IQCM: variants seen among roughly 807,000 people sequenced by gnomAD.
IQCM encodes IQ domain-containing protein M.
In IQCM, 45 loss-of-function variants were observed where a neutral mutation model predicts 57.6. The observed-to-expected ratio is 0.78, with a 90% CI of 0.62 to 1.00. The LOEUF (loss-of-function observed/expected upper bound fraction) is 1.00. IQCM is among the 50% of genes least tolerant of loss of function. The pLI, the probability that IQCM is intolerant of heterozygous loss-of-function variation, is 0.00. For missense variants in IQCM, 468 were observed against 511.6 expected, an observed-to-expected ratio of 0.91 and a Z score of 0.82; for synonymous variants, 148 against 158.9, an observed-to-expected ratio of 0.93 and a Z score of 0.51.
At chr4:149,724,118 T>C (rs557410476) in intron 5 of IQCM, among the ~76,000 whole-genome samples, 1 of 152,166 alleles carries the variant, frequency 6.6e-6, no homozygotes, top group South Asian at 2.1e-4. Context: ...CTTGTATTTC[T>C]GTACTACAGC....
At chr4:149,744,835 A>G (rs1198458438) in intron 2 of IQCM, among the ~76,000 whole-genome samples, 1 of 152,206 alleles carries the variant, frequency 6.6e-6, no homozygotes, top group African/African-American at 2.4e-5. Context: ...TTCAGAAAAA[A>G]AAGCCAAAAA....
At position 149,734,583 on chromosome 4, in the gene IQCM, T is replaced by C. The variant is rs192469645; in HGVS notation, c.120+793A>G. ...TATTGAAAAATATTTAAAAGCTTAC[T>C]TAAAATTTTGTTTAAAAAAATTTTT... On this transcript the variant is annotated intron_variant, in intron 4 of 13. Coordinates refer to ENST00000636793, the MANE Select transcript of IQCM (RefSeq NM_001363507.2). Among the ~76,000 whole-genome samples, 3 of 152,296 alleles carry C rather than the reference T, an allele frequency of 2.0e-5. No individual in the cohort carries two copies. The East Asian group carries it at 5.8e-4, about 29-fold the overall frequency.
chr4:149,491,611 T>C (rs1742104210), intron 12 of IQCM, among the ~76,000 whole-genome samples: 1 of 152,122 alleles, frequency 6.6e-6, no homozygotes, highest in South Asian at 2.1e-4. Flanking sequence ...AAAGGTGAAA[T>C]AGTATTACAT....
rs148574024 is a variant in IQCM, at chr4:149,502,606, C to T, written c.1228+45849G>A. Among the ~76,000 whole-genome samples, 1,384 of 152,058 alleles carry T rather than the reference C, an allele frequency of 9.1e-3. 14 individuals carry two copies. Among genetic ancestry groups the T allele is most frequent in the Non-Finnish European group, 0.014 (977 of 67,958 alleles). ...TGAGGATCACCTGAGCCCTAGAGGT[C>T]GAGGCTGCAGTGAGCCATGCTCACG... On this transcript the variant is annotated intron_variant, in intron 12 of 13. Transcript: ENST00000636793.
At chr4:149,777,351 CGTAT>C (rs1771186556) in intron 2 of IQCM, among the ~76,000 whole-genome samples, 1 of 152,128 alleles carries the variant, frequency 6.6e-6, no homozygotes, top group African/African-American at 2.4e-5. Context: ...AAAAAGGATG[CGTAT>C]GTGTTTTTAG....
intron 8 of IQCM, among the ~76,000 whole-genome samples, chr4:149,595,463 G>A (rs1262733369): frequency 1.3e-5 from 2 of 152,152 alleles, no homozygotes; most frequent in Non-Finnish European, 1.5e-5. Flanking sequence ...ATTATTAATT[G>A]CAAATACATA....
chr4:149,739,768 A>T lies in IQCM; in HGVS notation c.37+2887T>A, dbSNP rs376000643. 1.3e-3 allele frequency among the ~76,000 whole-genome samples: 193 copies of T among 152,230 alleles called. 1 individual carries two copies. The highest frequency in any genetic ancestry group is 4.5e-3 in the African/African-American group (187 of 41,514). On this transcript the variant is annotated intron_variant, in intron 3 of 13. Transcript: ENST00000636793. ...AATACTAACATTCCTATAGGAAAAA[A>T]AATATGAGTAGCTCTAATCCCAAAT...
At chr4:149,461,793 C>A (rs1162645310) in intron 12 of IQCM, among the ~76,000 whole-genome samples, 2 of 151,390 alleles carry the variant, frequency 1.3e-5, no homozygotes, top group Non-Finnish European at 2.9e-5. Context: ...TCAATGGCAA[C>A]TTGAAGCCAA....
At chr4:149,654,619 G>T (rs1284847063) in intron 7 of IQCM, among the ~76,000 whole-genome samples, 2 of 152,120 alleles carry the variant, frequency 1.3e-5, no homozygotes, top group Non-Finnish European at 2.9e-5. Context: ...CCCAGTCTCA[G>T]GTACTTCTTT....
intron 5 of IQCM, among the ~76,000 whole-genome samples, chr4:149,719,378 G>C (rs1417044680): frequency 1.3e-5 from 2 of 151,610 alleles, no homozygotes; most frequent in Non-Finnish European, 2.9e-5. Context: ...AAAAAGAAAG[G>C]TGTTTCCATT....
chr4:149,783,337 T>C (rs1244030613), intron 2 of IQCM, among the ~76,000 whole-genome samples: 1 of 152,210 alleles, frequency 6.6e-6, no homozygotes, highest in Admixed American at 6.5e-5. Context: ...CATGTAATTC[T>C]TTAGTATTAA....
At chr4:149,362,428 TC>T (rs931489869) in intron 13 of IQCM, among the ~76,000 whole-genome samples, 2 of 152,136 alleles carry the variant, frequency 1.3e-5, no homozygotes, top group Non-Finnish European at 2.9e-5. Flanking sequence ...CTCCCAGAAT[TC>T]CCATGTGTTG....
At chr4:149,733,062 A>T (rs1232337260) in intron 5 of IQCM, among the ~76,000 whole-genome samples, 182 bp downstream of exon 5, 4 of 152,200 alleles carry the variant, frequency 2.6e-5, no homozygotes, top group Non-Finnish European at 4.4e-5. Flanking sequence ...GAATGGGTTC[A>T]TCTCAATTTC....
intron 5 of IQCM, among the ~76,000 whole-genome samples, chr4:149,687,055 C>T (rs1050469101): frequency 6.6e-6 from 1 of 151,358 alleles, no homozygotes; most frequent in African/African-American, 2.4e-5. Flanking sequence ...ATAATGGGAC[C>T]AATATATAGT....
intron 12 of IQCM, among the ~76,000 whole-genome samples, chr4:149,519,037 A>G (rs950889619): frequency 2.0e-5 from 3 of 152,232 alleles, no homozygotes; most frequent in African/African-American, 7.2e-5. Flanking sequence ...GAAAGACACT[A>G]AATCCCATGG....
intron 13 of IQCM, among the ~76,000 whole-genome samples, chr4:149,407,283 C>T (rs1040325829): frequency 3.7e-4 from 56 of 152,104 alleles, no homozygotes; most frequent in African/African-American, 2.4e-5. Context: ...AATTATTCTA[C>T]ACTGCATTCA....
chr4:149,692,232 G>T (rs1434018747), intron 5 of IQCM, among the ~76,000 whole-genome samples: 1 of 152,162 alleles, frequency 6.6e-6, no homozygotes, highest in African/African-American at 2.4e-5. Context: ...ATCACACTGT[G>T]ATTGATGTAG....
intron 12 of IQCM, among the ~76,000 whole-genome samples, chr4:149,465,352 C>CT (rs1285170193): frequency 3.3e-5 from 5 of 152,096 alleles, no homozygotes; most frequent in African/African-American, 4.8e-5. Context: ...GGCACAGCCA[C>CT]TAGACAGTGT....
intron 13 of IQCM, among the ~76,000 whole-genome samples, chr4:149,388,275 C>T (rs1731566306): frequency 6.6e-6 from 1 of 151,530 alleles, no homozygotes; most frequent in Admixed American, 6.6e-5. Flanking sequence ...TTCCAAATTG[C>T]ACCATTTTAC....
Sources: gnomAD v4.1 joint callset for allele counts (sites outside exome capture counted in the v4.1 genomes callset) on GRCh38, gnomAD v4.1.1 for gene constraint, MANE v1.5 for transcripts, NCBI Gene and HGNC (gene_info 2026-07-23, HGNC 2026-07-21) for gene names.